Variants in MDGA2 observed in about 807,000 individuals in gnomAD.
MDGA2 encodes the protein MAM domain-containing glycosylphosphatidylinositol anchor protein 2.
Under a neutral mutation model 117.8 loss-of-function variants are expected in MDGA2, and 40 were observed. That is an observed-to-expected ratio of 0.34 (90% CI 0.26 to 0.44). The LOEUF (loss-of-function observed/expected upper bound fraction) is 0.44. Ranked by LOEUF, MDGA2 falls within the 20% of genes least tolerant of loss-of-function variation. MDGA2 has a pLI of 1.00. For missense variants in MDGA2, 1,123 were observed against 1,250.6 expected, an observed-to-expected ratio of 0.90 and a Z score of 1.54; for synonymous variants, 452 against 439.0, an observed-to-expected ratio of 1.03 and a Z score of -0.37.
chr14:47,132,606 A>C (rs1408552884), intron 4 of MDGA2, among the ~76,000 whole-genome samples: 1 of 151,936 alleles, frequency 6.6e-6, no homozygotes, highest in Non-Finnish European at 1.5e-5. Context: ...TTGAAAGGAA[A>C]AAAAGAACAA....
chr14:47,167,990 A>G (rs1566660973), intron 3 of MDGA2, among the ~76,000 whole-genome samples: 1 of 152,152 alleles, frequency 6.6e-6, no homozygotes, highest in Non-Finnish European at 1.5e-5. Context: ...TTGGCCATAG[A>G]CACATTGTTT....
At chr14:47,025,529 C>A (rs1420566582) in intron 8 of MDGA2, among the ~76,000 whole-genome samples, 1 of 152,054 alleles carries the variant, frequency 6.6e-6, no homozygotes, top group Non-Finnish European at 1.5e-5. Flanking sequence ...GAGTCATCAT[C>A]TAGGCAGCAG....
intron 3 of MDGA2, among the ~76,000 whole-genome samples, chr14:47,198,567 G>A (rs890241766): frequency 5.9e-5 from 9 of 151,600 alleles, no homozygotes; most frequent in Non-Finnish European, 1.0e-4. Flanking sequence ...GCGAGACTCC[G>A]TCTCAAAAAA....
intron 3 of MDGA2, among the ~76,000 whole-genome samples, chr14:47,192,971 G>T (rs1184439808): frequency 6.6e-6 from 1 of 152,190 alleles, no homozygotes; most frequent in Non-Finnish European, 1.5e-5. Context: ...CAGTTTTCAT[G>T]TAAACCTCCT....
intron 9 of MDGA2, among the ~76,000 whole-genome samples, chr14:46,937,774 A>G (rs535571605): frequency 2.0e-5 from 3 of 152,296 alleles, no homozygotes; most frequent in Admixed American, 1.3e-4. Flanking sequence ...CTAGACATCT[A>G]TCTCTTACTC....
chr14:47,401,444 C>T (rs554510458), intron 1 of MDGA2, among the ~76,000 whole-genome samples: 4 of 152,052 alleles, frequency 2.6e-5, no homozygotes, highest in East Asian at 1.9e-4. Flanking sequence ...CAGAAAAGGG[C>T]GATAATGTAG....
Position 47,320,117 on chromosome 14 carries a change from C to G in MDGA2, c.281-18567G>C, listed in dbSNP as rs145599738. 9.2e-5 allele frequency among the ~76,000 whole-genome samples: 14 copies of G among 152,254 alleles called. No individual in the cohort carries two copies. In the East Asian group the frequency reaches 2.7e-3, roughly 29 times the overall value. ...CAGAAGAAACCAACCCTGTGGACAC[C>G]TTGATCTTGGACTTAGAGTCTCTAG... On this transcript the variant is annotated intron_variant, in intron 1 of 16. Coordinates refer to ENST00000399232, the MANE Select transcript of MDGA2 (RefSeq NM_001113498.3).
chr14:46,926,420 T>G (rs1240823681), intron 9 of MDGA2, among the ~76,000 whole-genome samples: 1 of 101,660 alleles, frequency 9.8e-6, no homozygotes, highest in South Asian at 3.4e-4. Flanking sequence ...ATGCACTGAT[T>G]TGAAAAAAAA....
At chr14:47,479,912 T>C (rs554799923) in intron 1 of MDGA2, among the ~76,000 whole-genome samples, 4 of 152,210 alleles carry the variant, frequency 2.6e-5, no homozygotes, top group African/African-American at 9.6e-5. Flanking sequence ...AAGTCAATCA[T>C]GTCTGTTCCA....
At chr14:46,895,307 G>A (rs1595027623) in intron 10 of MDGA2, among the ~76,000 whole-genome samples, 3 of 152,132 alleles carry the variant, frequency 2.0e-5, no homozygotes, top group Admixed American at 1.3e-4. Context: ...CCCTTTGCTA[G>A]GCACTTTTCT....
chr14:47,516,211 CA>C (rs1202361387), intron 1 of MDGA2, among the ~76,000 whole-genome samples: 2 of 152,114 alleles, frequency 1.3e-5, no homozygotes, highest in Non-Finnish European at 2.9e-5. Context: ...CCTTCCTGTG[CA>C]TTAAATTTTA....
At chr14:47,034,920 T>C (rs1239912466) in intron 8 of MDGA2, 91 bp downstream of exon 8, 1 of 1,137,698 alleles carries the variant, frequency 8.8e-7, no homozygotes, top group Non-Finnish European at 1.3e-6. Flanking sequence ...TTCAATCTAG[T>C]TACAAAAATC....
chr14:47,376,404 T>C (rs994691273), intron 1 of MDGA2, among the ~76,000 whole-genome samples: 7 of 152,208 alleles, frequency 4.6e-5, no homozygotes, highest in African/African-American at 1.7e-4. Flanking sequence ...AAAAATTAAA[T>C]TGTATAATCC....
chr14:47,370,653 A>G (rs1002962218), intron 1 of MDGA2, among the ~76,000 whole-genome samples: 2 of 151,144 alleles, frequency 1.3e-5, no homozygotes, highest in Non-Finnish European at 3.0e-5. Flanking sequence ...TATATAATTC[A>G]AATTCATTAA....
At chr14:47,259,117 C>T (rs948606980) in intron 2 of MDGA2, among the ~76,000 whole-genome samples, 1 of 151,306 alleles carries the variant, frequency 6.6e-6, no homozygotes, top group African/African-American at 2.4e-5. Context: ...TGCCCTGGAG[C>T]GTTTTTGTTG....
At chr14:46,953,270 T>G (rs1296705781) in intron 9 of MDGA2, among the ~76,000 whole-genome samples, 1 of 151,750 alleles carries the variant, frequency 6.6e-6, no homozygotes, top group Non-Finnish European at 1.5e-5. Context: ...TTATAATTTA[T>G]GGTTATGCAA....
At chr14:47,400,235 T>C (rs930251595) in intron 1 of MDGA2, among the ~76,000 whole-genome samples, 1 of 152,230 alleles carries the variant, frequency 6.6e-6, no homozygotes, top group South Asian at 2.1e-4. Context: ...TGTATACTCA[T>C]GGTCCCAAGC....
chr14:47,529,656 A>T (rs1157717187), intron 1 of MDGA2, among the ~76,000 whole-genome samples: 1 of 152,212 alleles, frequency 6.6e-6, no homozygotes, highest in African/African-American at 2.4e-5. Context: ...CAGCATTCTG[A>T]ACCCTTGACT....
At chr14:47,553,856 G>A (rs890805937) in intron 1 of MDGA2, among the ~76,000 whole-genome samples, 1 of 152,138 alleles carries the variant, frequency 6.6e-6, no homozygotes, top group Non-Finnish European at 1.5e-5. Context: ...TATCAGTAAT[G>A]AAGATAATAT....
Sources: allele counts gnomAD v4.1 joint callset (sites outside exome capture counted in the v4.1 genomes callset), GRCh38; gene constraint gnomAD v4.1.1; transcripts MANE v1.5; gene names NCBI Gene and HGNC (gene_info 2026-07-23, HGNC 2026-07-21).